The following SDK2 variants were observed in gnomAD, a reference collection of about 807,000 sequenced individuals.
SDK2 encodes protein sidekick-2.
In SDK2, 105 loss-of-function variants were observed where a neutral mutation model predicts 253.9. That is an observed-to-expected ratio of 0.41 (90% CI 0.35 to 0.49). The LOEUF is 0.49. SDK2 is among the 20% of genes least tolerant of loss of function. SDK2 has a pLI of 0.06. For missense variants in SDK2, 2,608 were observed against 3,003.0 expected (o/e 0.87, Z 3.07); for synonymous variants, 1,249 against 1,234.9 (o/e 1.01, Z -0.24).
intron 37 of SDK2, among the ~76,000 whole-genome samples, chr17:73,368,017 CA>C (rs1183041632): frequency 2.0e-5 from 3 of 152,310 alleles, no homozygotes; most frequent in African/African-American, 7.2e-5. Context: ...TCTAGCATGG[CA>C]CGGGCTCATA....
intron 1 of SDK2, among the ~76,000 whole-genome samples, chr17:73,594,300 G>A (rs573688649): frequency 3.3e-5 from 5 of 152,222 alleles, no homozygotes; most frequent in Non-Finnish European, 7.4e-5. Context: ...CTTCCCCCGG[G>A]CAGCAGCTGA....
rs570158435 is a variant in SDK2, at chr17:73,362,870, C to T, written c.5306-1025G>A. Among the ~76,000 whole-genome samples the T allele has an allele frequency of 2.6e-3, 394 of 152,342 alleles. 1 individual carries two copies. Among genetic ancestry groups the T allele is most frequent in the Non-Finnish European group, 4.0e-3 (269 of 68,034 alleles). On this transcript the variant is annotated intron_variant, in intron 38 of 44. Transcript: ENST00000392650. ...GGTTAGTGTCATTTCCCATGTCCAT[C>T]GAGCACGCCAGTCACCAGTGAAAGA...
At chr17:73,369,695 G>T (rs866809278) in intron 36 of SDK2, among the ~76,000 whole-genome samples, 5 of 152,178 alleles carry the variant, frequency 3.3e-5, no homozygotes, top group Admixed American at 6.5e-5. Flanking sequence ...GTCTCGCACT[G>T]TCACACAGGC....
intron 1 of SDK2, among the ~76,000 whole-genome samples, chr17:73,627,010 G>T (rs1052616598): frequency 2.0e-5 from 3 of 152,126 alleles, no homozygotes; most frequent in African/African-American, 7.2e-5. Context: ...AATCCAAAAA[G>T]AACCTTTGCA....
intron 1 of SDK2, among the ~76,000 whole-genome samples, chr17:73,582,174 C>T (rs1053792424): frequency 3.9e-5 from 6 of 152,072 alleles, no homozygotes; most frequent in African/African-American, 1.4e-4. Flanking sequence ...ACCACGCAGG[C>T]ATCAGCATTT....
chr17:73,586,214 C>T (rs1252770539), intron 1 of SDK2, among the ~76,000 whole-genome samples: 1 of 152,290 alleles, frequency 6.6e-6, no homozygotes, highest in African/African-American at 2.4e-5. Context: ...CCCCACCATG[C>T]CTCTCCTGCT....
chr17:73,365,763 G>A (rs565564213), intron 37 of SDK2, among the ~76,000 whole-genome samples: 56 of 152,282 alleles, frequency 3.7e-4, no homozygotes, highest in South Asian at 2.5e-3. Context: ...TGCGGGGTTC[G>A]TCTTTTGGCT....
intron 2 of SDK2, among the ~76,000 whole-genome samples, chr17:73,483,697 ATATATATATATTTTT>A (rs1314072677): frequency 2.9e-5 from 2 of 67,874 alleles, no homozygotes; most frequent in African/African-American, 1.4e-4. Flanking sequence ...ATATATATAT[ATATATATATATTTTT>A]TTTTTTTTTT....
rs1379365764 is a variant in SDK2 at position 73,386,428 on chromosome 17, G to A, written c.4498+17C>T. ...CCAGTGGGCTGAGAGAGAGACTGCT[G>A]GGGAAGGGGTACTGACCAGCCTGCA... On this transcript the variant is annotated intron_variant, in intron 31 of 44. Transcript: ENST00000392650. The A allele has an allele frequency of 6.6e-7, 1 of 1,506,284 alleles. No individual in the cohort carries two copies. The allele number at this position is 1,506,284 out of a possible 1,614,324, so 93.3% of individuals were successfully genotyped here. A position where few individuals can be genotyped will look rare whatever the true frequency, so the allele number is the denominator to read the frequency against.
Position 73,383,862 on chromosome 17 carries a change from C to T in SDK2, c.4705+14G>A, listed in dbSNP as rs1453821175. ...CCATCCCACCCATTCCTCTGGCTCC[C>T]AAGTGTCACTCACAGGTAAGCTCAG... On this transcript the variant is annotated intron_variant, in intron 33 of 44. Coordinates refer to ENST00000392650, the MANE Select transcript of SDK2 (RefSeq NM_001144952.2). The surrounding 1 kb of genome is among the most constrained non-coding windows in gnomAD (Gnocchi z 4.3). The T allele has an allele frequency of 6.2e-7, 1 of 1,613,792 alleles. No homozygotes were observed. The highest frequency in any genetic ancestry group is 8.5e-7 in the Non-Finnish European group (1 of 1,179,724).
chr17:73,425,057 T>C (rs1479636757), intron 12 of SDK2, among the ~76,000 whole-genome samples: 1 of 152,150 alleles, frequency 6.6e-6, no homozygotes, highest in Non-Finnish European at 1.5e-5. Context: ...CTGTCTCTAC[T>C]AAAAATACAG....
rs2062644951 is a variant in SDK2 at position 73,361,931 on chromosome 17, T to G, written c.5306-86A>C. 2 of 1,383,336 alleles carry G rather than the reference T, an allele frequency of 1.4e-6. No homozygotes were observed. Among genetic ancestry groups the G allele is most frequent in the African/African-American group, 1.4e-5 (1 of 69,384 alleles). The allele number at this position is 1,383,336 out of a possible 1,614,324, so 85.7% of individuals were successfully genotyped here. A position where few individuals can be genotyped will look rare whatever the true frequency, so the allele number is the denominator to read the frequency against. ...TGGGGAAGGGGAAGCGGCCGTGGCC[T>G]GGGCCCCGGGACCCTGGGTAGGGGC... On this transcript the variant is annotated intron_variant, in intron 38 of 44. Transcript: ENST00000392650. The surrounding 1 kb of genome is among the most constrained non-coding windows in gnomAD (Gnocchi z 4.1).
rs570822958 is a variant in SDK2, at chr17:73,388,367, G to C, written c.4193-330C>G. Reference sequence around the variant, plus strand: ...CTCCTGCCTGAAACGAGGCTGAGCCGGGCCCTGCGCTGTCCCTGATTGAGC... The same window carrying C: ...CTCCTGCCTGAAACGAGGCTGAGCCCGGCCCTGCGCTGTCCCTGATTGAGC... On this transcript the variant is annotated intron_variant, in intron 29 of 44. Transcript: ENST00000392650. Among the ~76,000 whole-genome samples, 3 of 152,288 alleles carry C rather than the reference G, an allele frequency of 2.0e-5. No individual in the cohort carries two copies. The South Asian group carries it at 6.2e-4, about 32-fold the overall frequency.
intron 1 of SDK2, among the ~76,000 whole-genome samples, chr17:73,578,924 G>A (rs1434593958): frequency 6.6e-6 from 1 of 151,968 alleles, no homozygotes; most frequent in Non-Finnish European, 1.5e-5. Context: ...GCACCCCAAA[G>A]TCACTCTGTC....
Position 73,431,624 on chromosome 17 carries a change from G to T in SDK2, c.1358C>A (p.Thr453Lys). 1 of 1,613,246 alleles carries T rather than the reference G, an allele frequency of 6.2e-7. No homozygotes were observed. The highest frequency in any genetic ancestry group is 8.5e-7 in the Non-Finnish European group (1 of 1,179,608). The change falls in exon 11 of 45, where the codon ACA becomes AAA. Residue 453 changes from threonine to lysine, a missense_variant. Thr to Lys is a moderately conservative substitution (Grantham distance 78). Around this residue, in one of 2 missense-constraint regions of SDK2, gnomAD observed 1,505 missense variants for 1,859.1 expected, o/e 0.81. Transcript: ENST00000392650. The surrounding 1 kb of genome is among the most constrained non-coding windows in gnomAD (Gnocchi z 5.6). ...GAGGAGGCTGCCCGACTCCAGGGGT[G>T]TGAAGCGAGGCAGCTGCACAGAGCC... ...ASGSVQLPRF[T>K]PLESGSLLIS...
intron 2 of SDK2, among the ~76,000 whole-genome samples, chr17:73,494,455 G>A (rs1296387848): frequency 6.6e-6 from 1 of 152,164 alleles, no homozygotes; most frequent in Non-Finnish European, 1.5e-5. Context: ...AGCTTCCTCG[G>A]GAGTGGGGGA....
chr17:73,397,894 A>C (rs2062984887), intron 24 of SDK2, 141 bp downstream of exon 24: 1 of 957,408 alleles, frequency 1.0e-6, no homozygotes, highest in South Asian at 1.7e-5. Flanking sequence ...TCGTTGGGCT[A>C]AGATGTTGAT....
intron 2 of SDK2, among the ~76,000 whole-genome samples, chr17:73,497,680 C>T (rs1390651362): frequency 1.3e-5 from 2 of 151,998 alleles, no homozygotes; most frequent in East Asian, 1.9e-4. Flanking sequence ...GCCCAGCCGC[C>T]CCTCGCAGCA....
intron 1 of SDK2, among the ~76,000 whole-genome samples, chr17:73,555,300 T>A (rs1280137207): frequency 6.6e-6 from 1 of 152,184 alleles, no homozygotes; most frequent in Non-Finnish European, 1.5e-5. Context: ...CTGGCAGGAC[T>A]TGGACTGGTT....
Sources: gnomAD v4.1 joint callset for allele counts (sites outside exome capture counted in the v4.1 genomes callset) on GRCh38, gnomAD v4.1.1 for gene constraint, gnomAD v4.1.1 regional missense constraint, Gnocchi (gnomAD v3.1) non-coding constraint, MANE v1.5 for transcripts, NCBI Gene and HGNC (gene_info 2026-07-23, HGNC 2026-07-21) for gene names.